C16orf74: variants seen among roughly 807,000 people sequenced by gnomAD.
C16orf74 encodes the protein calcimembrin.
A neutral mutation model predicts 6.5 loss-of-function variants in C16orf74; 10 were observed. That is an observed-to-expected ratio of 1.54 (90% confidence interval 0.95 to 2.61). The LOEUF (loss-of-function observed/expected upper bound fraction) is 2.61, where lower values mean the gene tolerates loss of function less well. C16orf74 is among the 30% of genes most tolerant of loss of function. The probability of loss-of-function intolerance (pLI) is 0.00; values close to 1 mark genes in which losing one functional copy is unlikely to be tolerated. For missense variants in C16orf74, 141 were observed against 105.9 expected, an observed-to-expected ratio of 1.33 and a Z score of -1.45; for synonymous variants, 60 against 42.5, an observed-to-expected ratio of 1.41 and a Z score of -1.60.
intron 1 of C16orf74, among the ~76,000 whole-genome samples, chr16:85,738,112 G>C (rs1393819513): frequency 2.0e-5 from 3 of 151,858 alleles, no homozygotes; most frequent in African/African-American, 7.3e-5. Flanking sequence ...AAGTGTGGTG[G>C]CCTGTGCCTG....
At chr16:85,726,717 G>A (rs1026948412) in intron 2 of C16orf74, among the ~76,000 whole-genome samples, 3 of 152,134 alleles carry the variant, frequency 2.0e-5, no homozygotes, top group African/African-American at 7.2e-5. Context: ...TGGAATGAAC[G>A]TTTTTCTCAC....
chr16:85,730,793 C>T (rs1260415133), intron 2 of C16orf74, among the ~76,000 whole-genome samples: 1 of 151,440 alleles, frequency 6.6e-6, no homozygotes, highest in Non-Finnish European at 1.5e-5. Context: ...CCCCATAGAT[C>T]AGCCAACTAA....
At chr16:85,711,086 G>A (rs2053964746) in intron 2 of C16orf74, among the ~76,000 whole-genome samples, 1 of 152,078 alleles carries the variant, frequency 6.6e-6, no homozygotes, top group South Asian at 2.1e-4. Context: ...GGCCAAGGCG[G>A]GCAGATCACT....
chr16:85,730,635 C>A lies in C16orf74; in HGVS notation c.28+4555G>T, dbSNP rs1156423372. 3.5e-5 allele frequency among the ~76,000 whole-genome samples: 5 copies of A among 141,092 alleles called. No homozygotes were observed. In the East Asian group the frequency reaches 1.1e-3, roughly 30 times the overall value. The allele number at this position is 141,092 out of a possible 152,430, so 92.6% of individuals were successfully genotyped here. On this transcript the variant is annotated intron_variant, in intron 2 of 3. Coordinates refer to ENST00000284245, the MANE Select transcript of C16orf74 (RefSeq NM_206967.3). ...AAACCCCCAAGACCAGCCAAGTAAC[C>A]CCAGTCCAGCCAACTGAACCCCCAG...
chr16:85,725,944 G>A (rs2054128549), intron 2 of C16orf74, among the ~76,000 whole-genome samples: 1 of 151,870 alleles, frequency 6.6e-6, no homozygotes, highest in African/African-American at 2.4e-5. Flanking sequence ...ATCACCTGCT[G>A]GCCCCAGGGA....
intron 1 of C16orf74, among the ~76,000 whole-genome samples, chr16:85,748,097 T>C (rs972946925): frequency 1.5e-5 from 1 of 65,648 alleles, no homozygotes; most frequent in East Asian, 2.5e-4. Context: ...AAAAAATATA[T>C]ATATATATAC....
At position 85,732,590 on chromosome 16, in the gene C16orf74, C is replaced by T. The variant is rs574733454; in HGVS notation, c.28+2600G>A. On this transcript the variant is annotated intron_variant, in intron 2 of 3. Transcript: ENST00000284245. Reference sequence around the variant, plus strand: ...CTGAGGCAGGAGAATTGCTTGAACCCGGGAGGCGGGGGTTGCAGTGAGTCG... The same window carrying T: ...CTGAGGCAGGAGAATTGCTTGAACCTGGGAGGCGGGGGTTGCAGTGAGTCG... 2.4e-3 allele frequency among the ~76,000 whole-genome samples: 318 copies of T among 133,294 alleles called. 1 individual carries two copies. Among genetic ancestry groups the T allele is most frequent in the Non-Finnish European group, 3.6e-3 (235 of 64,830 alleles). The allele number at this position is 133,294 out of a possible 152,430, so 87.4% of individuals were successfully genotyped here. A position where few individuals can be genotyped will look rare whatever the true frequency, so the allele number is the denominator to read the frequency against.
At chr16:85,719,815 G>A (rs542547470) in intron 2 of C16orf74, among the ~76,000 whole-genome samples, 52 of 149,856 alleles carry the variant, frequency 3.5e-4, no homozygotes, top group Middle Eastern at 7.0e-3. Context: ...ACACACAAAG[G>A]CCCTGAGGCA....
intron 2 of C16orf74, among the ~76,000 whole-genome samples, chr16:85,732,241 G>A (rs866848602): frequency 1.6e-4 from 24 of 152,308 alleles, no homozygotes; most frequent in Middle Eastern, 3.4e-3. Context: ...TCACACCTCT[G>A]GCCTCCAGAA....
At chr16:85,742,663 T>A (rs1471005996) in intron 1 of C16orf74, among the ~76,000 whole-genome samples, 1 of 152,100 alleles carries the variant, frequency 6.6e-6, no homozygotes, top group African/African-American at 2.4e-5. Context: ...TGACTTAGCC[T>A]CCCGAGTAGC....
chr16:85,720,124 C>T (rs898924883), intron 2 of C16orf74, among the ~76,000 whole-genome samples: 10 of 151,394 alleles, frequency 6.6e-5, no homozygotes, highest in African/African-American at 2.2e-4. Flanking sequence ...TAGCTCTTGG[C>T]GGTTTTACCT....
chr16:85,735,051 G>A (rs780627106), intron 2 of C16orf74, 139 bp downstream of exon 2: 78 of 566,714 alleles, frequency 1.4e-4, no homozygotes, highest in Non-Finnish European at 1.4e-4. Flanking sequence ...TAGAGCACCT[G>A]CTGTGTACAG....
At chr16:85,721,297 C>T (rs891715421) in intron 2 of C16orf74, among the ~76,000 whole-genome samples, 26 of 151,244 alleles carry the variant, frequency 1.7e-4, no homozygotes, top group Admixed American at 4.6e-4. Context: ...CTAGCCTTGG[C>T]GCTGCTAACA....
At chr16:85,733,862 G>T (rs2054216654) in intron 2 of C16orf74, among the ~76,000 whole-genome samples, 1 of 152,158 alleles carries the variant, frequency 6.6e-6, no homozygotes. Context: ...TTCACCAGGG[G>T]AACCAATCTC....
intron 1 of C16orf74, among the ~76,000 whole-genome samples, chr16:85,748,146 G>GTATATATATATATGTGTATA (rs1567815509): frequency 1.4e-5 from 1 of 71,452 alleles, no homozygotes; most frequent in Non-Finnish European, 5.3e-5. Flanking sequence ...ATATGTGTGT[G>GTATATATATATATGTGTATA]TATATATATA....
At position 85,714,391 on chromosome 16, in the gene C16orf74, T is replaced by G. The variant is rs894464359; in HGVS notation, c.29-4084A>C. Among the ~76,000 whole-genome samples, 3 of 70,900 alleles carry G rather than the reference T, an allele frequency of 4.2e-5. No homozygotes were observed. The South Asian group carries it at 2.8e-3, about 66-fold the overall frequency. The allele number at this position is 70,900 out of a possible 152,430, so 46.5% of individuals were successfully genotyped here. ...TTTGGAAGACCTATTATTTATTTAT[T>G]TATTTATTTATTATTTATTTATTTA... On this transcript the variant is annotated intron_variant, in intron 2 of 3. Transcript: ENST00000284245.
At chr16:85,738,799 C>T (rs1368327575) in intron 1 of C16orf74, among the ~76,000 whole-genome samples, 3 of 152,038 alleles carry the variant, frequency 2.0e-5, no homozygotes, top group South Asian at 4.2e-4. Context: ...ACCATGGGCC[C>T]GGCACTGTTC....
intron 1 of C16orf74, chr16:85,743,459 T>G (rs1381796185): frequency 6.6e-6 from 1 of 152,190 alleles, no homozygotes; most frequent in Non-Finnish European, 1.5e-5. Flanking sequence ...GGCTCACAGC[T>G]GTCCAGCGAC....
chr16:85,736,390 C>T (rs781494527), intron 1 of C16orf74, among the ~76,000 whole-genome samples: 7 of 152,094 alleles, frequency 4.6e-5, no homozygotes, highest in Non-Finnish European at 8.8e-5. Flanking sequence ...GCGCACAAGG[C>T]CCCAGGGATT....
Sources: gnomAD v4.1 joint callset for allele counts (sites outside exome capture counted in the v4.1 genomes callset) on GRCh38, gnomAD v4.1.1 for gene constraint, MANE v1.5 for transcripts, NCBI Gene and HGNC (gene_info 2026-07-23, HGNC 2026-07-21) for gene names.